Variants in GULP1 observed in about 807,000 individuals in gnomAD.
GULP1 encodes the protein PTB domain-containing engulfment adapter protein 1.
GULP1 carries 19 observed loss-of-function variants against 40.9 expected under a neutral mutation model. The ratio of observed to expected loss-of-function variants is 0.46; its 90% confidence interval spans 0.32 to 0.68. The LOEUF is 0.68. Among genes scored for constraint, GULP1 ranks in the 30% least tolerant of loss-of-function variants. GULP1 has a pLI of 0.03. For missense variants in GULP1, 312 were observed against 362.2 expected (o/e 0.86, Z 1.12); for synonymous variants, 119 against 117.6 (o/e 1.01, Z -0.08).
chr2:188,421,307 G>A (rs2055375379), intron 2 of GULP1, among the ~76,000 whole-genome samples: 1 of 152,034 alleles, frequency 6.6e-6, no homozygotes, highest in Admixed American at 6.6e-5. Context: ...ACCTATGCCT[G>A]TATAAATTAT....
chr2:188,560,795 A>G (rs970761862), intron 7 of GULP1, among the ~76,000 whole-genome samples: 7 of 152,210 alleles, frequency 4.6e-5, no homozygotes, highest in African/African-American at 1.7e-4. Context: ...TGGCAGGAGC[A>G]GGATGGAGGG....
At chr2:188,554,039 T>C (rs953293224) in intron 7 of GULP1, among the ~76,000 whole-genome samples, 15 of 152,054 alleles carry the variant, frequency 9.9e-5, no homozygotes, top group Admixed American at 9.8e-4. Flanking sequence ...TTAGATATTC[T>C]CTCTTCTTGG....
chr2:188,578,973 CTGTT>C (rs1700728455), intron 9 of GULP1, among the ~76,000 whole-genome samples: 1 of 152,162 alleles, frequency 6.6e-6, no homozygotes, highest in Admixed American at 6.5e-5. Flanking sequence ...GAAATTGTCA[CTGTT>C]TGCCATTTAG....
chr2:188,563,355 A>G (rs2153416892), intron 7 of GULP1, among the ~76,000 whole-genome samples: 1 of 151,758 alleles, frequency 6.6e-6, no homozygotes, highest in East Asian at 1.9e-4. Flanking sequence ...AAAAGGATAC[A>G]AAGATAAATA....
chr2:188,565,319 T>TA lies in GULP1; in HGVS notation c.400-3914dup, dbSNP rs955513398. The stretch of plus-strand genomic sequence containing the variant: ...AAAAAGGATCTGTATCCAGACTATA[T>TA]AAAAAACTCCTAAAAATCACAAATA... On this transcript the variant is annotated intron_variant, in intron 7 of 11. Coordinates refer to ENST00000409830, the MANE Select transcript of GULP1 (RefSeq NM_016315.4). Among the ~76,000 whole-genome samples the TA allele has an allele frequency of 3.9e-5, 6 of 152,008 alleles. No homozygotes were observed. In the South Asian group the frequency reaches 8.3e-4, roughly 21 times the overall value.
chr2:188,525,597 A>G (rs1392909493), intron 5 of GULP1, among the ~76,000 whole-genome samples: 1 of 152,180 alleles, frequency 6.6e-6, no homozygotes, highest in Non-Finnish European at 1.5e-5. Flanking sequence ...TGATGTTTAC[A>G]TGTAAGTAAG....
rs199607911 is a variant in GULP1, at chr2:188,468,832, AG to A, written c.-44-8821del. ...TGGAAAGGATGTTTGCAACGAGGGG[AG>A]GGGGGCAATTGCAATAAGGAAAATA... On this transcript the variant is annotated intron_variant, in intron 2 of 11. Coordinates refer to ENST00000409830, the MANE Select transcript of GULP1 (RefSeq NM_016315.4). Among the ~76,000 whole-genome samples the A allele has an allele frequency of 2.5e-3, 376 of 152,180 alleles. 6 individuals are homozygous for A. Among genetic ancestry groups the A allele is most frequent in the Admixed American group, 0.023 (354 of 15,272 alleles).
At chr2:188,499,133 G>GTATATATATATA (rs778858143) in intron 4 of GULP1, among the ~76,000 whole-genome samples, 17 of 120,692 alleles carry the variant, frequency 1.4e-4, no homozygotes, top group African/African-American at 1.9e-4. Flanking sequence ...ATATATGTGT[G>GTATATATATATA]TGTATATATA....
chr2:188,509,477 G>A (rs2064281068), intron 4 of GULP1, among the ~76,000 whole-genome samples: 1 of 152,002 alleles, frequency 6.6e-6, no homozygotes, highest in Admixed American at 6.6e-5. Context: ...CATTTCAGGA[G>A]TATCATTAGC....
chr2:188,442,409 A>C (rs540148055), intron 2 of GULP1, among the ~76,000 whole-genome samples: 4 of 152,344 alleles, frequency 2.6e-5, no homozygotes, highest in African/African-American at 9.6e-5. Context: ...GAGGGAATTT[A>C]ATAAAGTCAT....
intron 1 of GULP1, among the ~76,000 whole-genome samples, chr2:188,362,986 A>G (rs1420235681): frequency 6.6e-6 from 1 of 152,106 alleles, no homozygotes; most frequent in African/African-American, 2.4e-5. Context: ...AGAAAAAAAT[A>G]TGAATCGTAA....
At chr2:188,297,923 T>C (rs951820086) in intron 1 of GULP1, among the ~76,000 whole-genome samples, 2 of 152,156 alleles carry the variant, frequency 1.3e-5, no homozygotes. Flanking sequence ...TTCTCAATTT[T>C]TTTCATAGCC....
At chr2:188,543,026 T>A (rs1469607763) in intron 7 of GULP1, among the ~76,000 whole-genome samples, 1 of 152,118 alleles carries the variant, frequency 6.6e-6, no homozygotes, top group Non-Finnish European at 1.5e-5. Context: ...TTGATCCCTA[T>A]CCAAATTTGT....
chr2:188,529,866 G>T (rs1160413122), intron 6 of GULP1, among the ~76,000 whole-genome samples: 1 of 152,112 alleles, frequency 6.6e-6, no homozygotes, highest in Non-Finnish European at 1.5e-5. Context: ...CTTATCTCCT[G>T]TTTGAAGAAA....
Position 188,379,463 on chromosome 2 carries a change from T to A in GULP1, c.-171-4300T>A, listed in dbSNP as rs553819070. On this transcript the variant is annotated intron_variant, in intron 1 of 11. Transcript: ENST00000409830. ...TTATAAAGATCTTTTCAGTTTTACA[T>A]CTTATAAATATGAATGCTTTGAGTC... 7.2e-5 allele frequency among the ~76,000 whole-genome samples: 11 copies of A among 152,326 alleles called. No individual in the cohort carries two copies. The East Asian group carries it at 2.1e-3, about 29-fold the overall frequency.
intron 1 of GULP1, among the ~76,000 whole-genome samples, chr2:188,368,808 CTA>C (rs1026627246): frequency 2.7e-5 from 4 of 150,022 alleles, no homozygotes; most frequent in African/African-American, 9.8e-5. Context: ...TTTTTGAAAA[CTA>C]CACTTTTTTC....
intron 2 of GULP1, among the ~76,000 whole-genome samples, chr2:188,471,457 C>T (rs570885553): frequency 1.3e-5 from 2 of 152,114 alleles, no homozygotes; most frequent in South Asian, 4.1e-4. Flanking sequence ...TTCTTTCCCT[C>T]CTGTCTTCCT....
At chr2:188,380,617 A>T (rs930041978) in intron 1 of GULP1, among the ~76,000 whole-genome samples, 1 of 152,202 alleles carries the variant, frequency 6.6e-6, no homozygotes, top group African/African-American at 2.4e-5. Flanking sequence ...TTAGGAGCTT[A>T]TAGAGGATAA....
chr2:188,296,743 A>G (rs1264470771), intron 1 of GULP1, among the ~76,000 whole-genome samples: 1 of 152,066 alleles, frequency 6.6e-6, no homozygotes, highest in Non-Finnish European at 1.5e-5. Context: ...CTAGGATGCA[A>G]CTAAGAGAGT....
Sources: allele counts gnomAD v4.1 joint callset (sites outside exome capture counted in the v4.1 genomes callset), GRCh38; gene constraint gnomAD v4.1.1; transcripts MANE v1.5; gene names NCBI Gene and HGNC (gene_info 2026-07-23, HGNC 2026-07-21).